The following ZC3H3 variants were observed in gnomAD, a reference collection of about 807,000 sequenced individuals.
ZC3H3 encodes the protein zinc finger CCCH domain-containing protein 3.
ZC3H3 carries 36 observed loss-of-function variants against 77.3 expected under a neutral mutation model. The observed-to-expected ratio is 0.47, with a 90% CI of 0.36 to 0.61. The LOEUF is 0.61. ZC3H3 is among the 20% of genes least tolerant of loss of function. ZC3H3 has a pLI of 0.00. For synonymous variants in ZC3H3, 626 were observed against 555.2 expected (o/e 1.13, Z -1.79); for missense variants, 1,331 against 1,312.2 (o/e 1.01, Z -0.22).
chr8:143,513,227 C>T (rs1330938063), intron 3 of ZC3H3, among the ~76,000 whole-genome samples: 1 of 152,214 alleles, frequency 6.6e-6, no homozygotes, highest in Non-Finnish European at 1.5e-5. Flanking sequence ...GCGCAGGCCC[C>T]ACCTTCCCTG....
intron 9 of ZC3H3, among the ~76,000 whole-genome samples, chr8:143,450,786 C>G (rs1428759357): frequency 6.6e-6 from 1 of 152,124 alleles, no homozygotes; most frequent in South Asian, 2.1e-4. Context: ...ATCCAATCAC[C>G]TCCCACCAGG....
chr8:143,510,657 G>A (rs948886672), intron 3 of ZC3H3, among the ~76,000 whole-genome samples: 8 of 152,214 alleles, frequency 5.3e-5, no homozygotes, highest in African/African-American at 1.4e-4. Flanking sequence ...GCTGCAGGAC[G>A]CTGCTCTGTA....
In ZC3H3 at chr8:143,475,318, T is replaced by A. The variant is rs555828480; in HGVS notation, c.1903+80A>T. 4.3e-5 allele frequency: 64 copies of A among 1,476,324 alleles called. No individual in the cohort carries two copies. The Middle Eastern group carries it at 6.7e-4, about 15-fold the overall frequency. 91.5% of individuals were successfully genotyped at this position (1,476,324 alleles called of 1,614,324 possible). On this transcript the variant is annotated intron_variant, in intron 5 of 11. Transcript: ENST00000262577. Reference sequence around the variant, plus strand: ...CAGAGCAGCCACAGCATGTTGGAGGTTAGGGGGTCTGGCCTGCAATGCCCA... The same window carrying A: ...CAGAGCAGCCACAGCATGTTGGAGGATAGGGGGTCTGGCCTGCAATGCCCA...
intron 4 of ZC3H3, among the ~76,000 whole-genome samples, chr8:143,479,093 G>C (rs919852417): frequency 6.6e-6 from 1 of 152,362 alleles, no homozygotes; most frequent in East Asian, 1.9e-4. Flanking sequence ...TAGCCCAAGA[G>C]CCTCATTCCG....
intron 4 of ZC3H3, among the ~76,000 whole-genome samples, chr8:143,486,237 A>G (rs1432745027): frequency 6.6e-6 from 1 of 152,252 alleles, no homozygotes; most frequent in African/African-American, 2.4e-5. Flanking sequence ...CAGGCGCGGC[A>G]ATGTAGCGGA....
At chr8:143,458,930 G>A (rs142996077) in intron 9 of ZC3H3, among the ~76,000 whole-genome samples, 424 of 152,202 alleles carry the variant, frequency 2.8e-3, no homozygotes, top group African/African-American at 9.8e-3. Flanking sequence ...AGACTTGCCT[G>A]GGCAATATAG....
At chr8:143,501,060 G>A (rs564525025) in intron 4 of ZC3H3, among the ~76,000 whole-genome samples, 7 of 148,224 alleles carry the variant, frequency 4.7e-5, no homozygotes, top group Admixed American at 6.8e-5. Context: ...CAAGTGATCC[G>A]CCTATCTCGG....
In ZC3H3 at chr8:143,541,393, T is replaced by C. The variant is rs755664937; in HGVS notation, c.29A>G (p.Gln10Arg). The C allele has an allele frequency of 6.2e-7, 1 of 1,611,712 alleles. No individual in the cohort carries two copies. The highest frequency in any genetic ancestry group is 1.1e-5 in the South Asian group (1 of 90,942). Residue 10 changes from glutamine to arginine, a missense_variant, in exon 1 of 12, where the codon CAG becomes CGG. Gln to Arg is a conservative substitution (Grantham distance 43, BLOSUM62 1). Coordinates refer to ENST00000262577, the MANE Select transcript of ZC3H3 (RefSeq NM_015117.3). ...GGACCTACCCTGCAGTAGGCGGATC[T>C]GCCGCCGTAATATCTCCTTTTCCTC... MEEKEILRR[Q>R]IRLLQGLIDD...
intron 4 of ZC3H3, among the ~76,000 whole-genome samples, chr8:143,481,300 T>C (rs1820901253): frequency 6.6e-6 from 1 of 152,180 alleles, no homozygotes; most frequent in Admixed American, 6.5e-5. Context: ...GAGCTGCTGA[T>C]GGGAACCAGG....
At chr8:143,527,212 C>A (rs1393974127) in intron 3 of ZC3H3, among the ~76,000 whole-genome samples, 1 of 152,224 alleles carries the variant, frequency 6.6e-6, no homozygotes, top group Admixed American at 6.5e-5. Flanking sequence ...AGGGACCTAC[C>A]CAGGCTCTCG....
chr8:143,481,499 A>T (rs1280316468), intron 4 of ZC3H3, among the ~76,000 whole-genome samples: 1 of 152,174 alleles, frequency 6.6e-6, no homozygotes, highest in African/African-American at 2.4e-5. Context: ...CGAGGCCAGC[A>T]GAGGGGAGAG....
intron 3 of ZC3H3, among the ~76,000 whole-genome samples, chr8:143,509,689 C>G (rs1821813093): frequency 6.6e-6 from 1 of 152,234 alleles, no homozygotes; most frequent in African/African-American, 2.4e-5. Flanking sequence ...AGGGTACAGT[C>G]CTGCTCAGAG....
intron 2 of ZC3H3, among the ~76,000 whole-genome samples, chr8:143,536,946 G>A (rs774184454): frequency 1.1e-4 from 16 of 152,134 alleles, no homozygotes; most frequent in Admixed American, 4.6e-4. Flanking sequence ...AGTTGCCACC[G>A]AGAAACAGCC....
At chr8:143,461,664 G>A (rs1820267105) in intron 9 of ZC3H3, among the ~76,000 whole-genome samples, 1 of 152,094 alleles carries the variant, frequency 6.6e-6, no homozygotes, top group Non-Finnish European at 1.5e-5. Context: ...AATAAAAACG[G>A]GTGCAGCGCT....
At chr8:143,525,028 A>C (rs2130477652) in intron 3 of ZC3H3, among the ~76,000 whole-genome samples, 1 of 41,854 alleles carries the variant, frequency 2.4e-5, no homozygotes, top group East Asian at 1.6e-3. Context: ...CAAGCTGCTA[A>C]ACTTACGGTC....
chr8:143,494,064 G>GC lies in ZC3H3; in HGVS notation c.1715+13681dup, dbSNP rs971156510. 1.3e-5 allele frequency among the ~76,000 whole-genome samples: 2 copies of GC among 152,188 alleles called. No individual in the cohort carries two copies. Among genetic ancestry groups the GC allele is most frequent in the African/African-American group, 4.8e-5 (2 of 41,450 alleles). ...AAAAACCTGCCGGAGTCCTGCCTCA[G>GC]CAGCACGTGGGGAAGCCTGGGGAGT... On this transcript the variant is annotated intron_variant, in intron 4 of 11. Coordinates refer to ENST00000262577, the MANE Select transcript of ZC3H3 (RefSeq NM_015117.3). The surrounding 1 kb of genome is among the most constrained non-coding windows in gnomAD (Gnocchi z 5.3).
In ZC3H3 at chr8:143,462,967, A is replaced by C. The variant is rs969601425; in HGVS notation, c.2307+2750T>G. On this transcript the variant is annotated intron_variant, in intron 9 of 11. Coordinates refer to ENST00000262577, the MANE Select transcript of ZC3H3 (RefSeq NM_015117.3). The surrounding 1 kb of genome is among the most constrained non-coding windows in gnomAD (Gnocchi z 4.7). ...TGTCCCACCTAGAGCCACCAGGAGC[A>C]GCGCCCAGACCCTGAGTCTCTTTTT... is the stretch of plus-strand genomic sequence containing the variant. Among the ~76,000 whole-genome samples, 136 of 150,270 alleles carry C rather than the reference A, an allele frequency of 9.1e-4. 1 individual carries two copies. Among genetic ancestry groups the C allele is most frequent in the Non-Finnish European group, 6.8e-4 (46 of 67,642 alleles).
chr8:143,456,827 C>T (rs375993115), intron 9 of ZC3H3, among the ~76,000 whole-genome samples: 14 of 152,190 alleles, frequency 9.2e-5, no homozygotes, highest in African/African-American at 2.9e-4. Context: ...GTGATTGTGC[C>T]GCTGAGCTAC....
chr8:143,517,093 T>C (rs558324503), intron 3 of ZC3H3, among the ~76,000 whole-genome samples: 13 of 152,206 alleles, frequency 8.5e-5, no homozygotes, highest in Non-Finnish European at 1.6e-4. Context: ...AAAGGGAAGA[T>C]TGAGACCCTA....
Sources: allele counts gnomAD v4.1 joint callset (sites outside exome capture counted in the v4.1 genomes callset), GRCh38; gene constraint gnomAD v4.1.1; non-coding constraint Gnocchi (gnomAD v3.1); transcripts MANE v1.5; gene names NCBI Gene and HGNC (gene_info 2026-07-23, HGNC 2026-07-21).